Variants in EPHA7 observed in about 807,000 individuals in gnomAD.
EPHA7 encodes the protein EPH receptor A7.
EPHA7 carries 25 observed loss-of-function variants against 112.6 expected under a neutral mutation model. That is an observed-to-expected ratio of 0.22 (90% CI 0.16 to 0.31). The LOEUF (loss-of-function observed/expected upper bound fraction) is 0.31. EPHA7 is among the 10% of genes least tolerant of loss of function. EPHA7 has a pLI of 1.00. For synonymous variants in EPHA7, 437 were observed against 406.5 expected, an observed-to-expected ratio of 1.07 and a Z score of -0.90; for missense variants, 962 against 1,212.6, an observed-to-expected ratio of 0.79 and a Z score of 3.07.
chr6:93,327,162 A>G (rs1774362780), intron 5 of EPHA7, among the ~76,000 whole-genome samples: 1 of 151,604 alleles, frequency 6.6e-6, no homozygotes, highest in Non-Finnish European at 1.5e-5. Flanking sequence ...CTCATACTGA[A>G]TTGATTATAT....
At chr6:93,303,850 A>T (rs1001910533) in intron 5 of EPHA7, among the ~76,000 whole-genome samples, 5 of 152,086 alleles carry the variant, frequency 3.3e-5, no homozygotes, top group African/African-American at 1.2e-4. Context: ...TCTATAAGCC[A>T]CCTTTCTCCA....
intron 3 of EPHA7, among the ~76,000 whole-genome samples, chr6:93,375,664 A>G (rs993889689): frequency 6.6e-6 from 1 of 151,912 alleles, no homozygotes; most frequent in African/African-American, 2.4e-5. Flanking sequence ...ATAGGCAGCT[A>G]GTATAGATAA....
chr6:93,258,004 C>T, intron 11 of EPHA7, 95 bp downstream of exon 11: 1 of 1,184,266 alleles, frequency 8.4e-7, no homozygotes, highest in Non-Finnish European at 1.2e-6. Flanking sequence ...TTAGACTGTG[C>T]AACATATTTC....
At chr6:93,253,466 TA>T (rs2127853721) in intron 14 of EPHA7, among the ~76,000 whole-genome samples, 1 of 21,064 alleles carries the variant, frequency 4.7e-5, no homozygotes, top group East Asian at 4.6e-3. Flanking sequence ...GTCTAAATGT[TA>T]GTTGTCTAAA....
At chr6:93,371,912 A>G (rs950799424) in intron 3 of EPHA7, among the ~76,000 whole-genome samples, 4 of 152,178 alleles carry the variant, frequency 2.6e-5, no homozygotes, top group African/African-American at 9.6e-5. Flanking sequence ...TGAAGTGGTT[A>G]AGAACATACA....
At chr6:93,412,705 G>T (rs1006101337) in intron 2 of EPHA7, among the ~76,000 whole-genome samples, 2 of 151,990 alleles carry the variant, frequency 1.3e-5, no homozygotes, top group Non-Finnish European at 2.9e-5. Context: ...CTCTTAATTA[G>T]ATTGAAATTG....
intron 16 of EPHA7, 104 bp downstream of exon 16, chr6:93,245,194 T>A: frequency 1.8e-6 from 2 of 1,103,546 alleles, no homozygotes; most frequent in African/African-American, 1.6e-5. Context: ...TTTATCTTGA[T>A]TTTGGGATTC....
chr6:93,289,687 A>T (rs139112759), intron 5 of EPHA7, among the ~76,000 whole-genome samples: 3 of 152,346 alleles, frequency 2.0e-5, no homozygotes, highest in East Asian at 3.9e-4. Flanking sequence ...AGTAATCTTA[A>T]GGTTTACCTT....
At chr6:93,261,600 A>G (rs1373545348) in intron 9 of EPHA7, among the ~76,000 whole-genome samples, 1 of 151,580 alleles carries the variant, frequency 6.6e-6, no homozygotes, top group Non-Finnish European at 1.5e-5. Context: ...TGAATGTTTT[A>G]AAATAAGGAA....
At chr6:93,356,679 A>T in intron 5 of EPHA7, 38 bp downstream of exon 5, 1 of 1,544,330 alleles carries the variant, frequency 6.5e-7, no homozygotes, top group Non-Finnish European at 8.8e-7. Context: ...TTAGGTAGTC[A>T]CATTATTTCA....
intron 3 of EPHA7, among the ~76,000 whole-genome samples, chr6:93,387,667 T>C (rs1777680465): frequency 6.6e-6 from 1 of 152,070 alleles, no homozygotes; most frequent in South Asian, 2.1e-4. Context: ...TCAGTAAACT[T>C]ATGATCATGG....
chr6:93,308,328 A>G (rs957097601), intron 5 of EPHA7, among the ~76,000 whole-genome samples: 2 of 152,152 alleles, frequency 1.3e-5, no homozygotes, highest in Non-Finnish European at 2.9e-5. Context: ...AGAATAGATT[A>G]CATTATACCA....
intron 5 of EPHA7, among the ~76,000 whole-genome samples, chr6:93,329,144 T>C (rs1774463724): frequency 6.6e-6 from 1 of 151,450 alleles, no homozygotes; most frequent in Non-Finnish European, 1.5e-5. Context: ...TTTAAGAATT[T>C]TATATTTTAG....
Position 93,241,474 on chromosome 6 carries a change from G to A in EPHA7, c.*1952C>T, listed in dbSNP as rs1469289264. 8 of 215,938 alleles carry A rather than the reference G, an allele frequency of 3.7e-5. No individual in the cohort carries two copies. Among genetic ancestry groups the A allele is most frequent in the Non-Finnish European group, 6.5e-5 (7 of 106,974 alleles). The allele number at this position is 215,938 out of a possible 1,614,324, so 13.4% of individuals were successfully genotyped here. A position where few individuals can be genotyped will look rare whatever the true frequency, so the allele number is the denominator to read the frequency against. The stretch of plus-strand genomic sequence containing the variant: ...TATTACAAAGATTACAAATGGAAGT[G>A]TCTAGGTGACTGTATTATGCTAATT... On this transcript the variant is annotated 3_prime_UTR_variant, in exon 17 of 17. Transcript: ENST00000369303.
At chr6:93,289,424 C>G (rs2127834091) in intron 5 of EPHA7, among the ~76,000 whole-genome samples, 1 of 151,830 alleles carries the variant, frequency 6.6e-6, no homozygotes, top group African/African-American at 2.4e-5. Context: ...GTATGTAGAT[C>G]CTGGCTAACA....
intron 5 of EPHA7, among the ~76,000 whole-genome samples, chr6:93,323,345 T>C (rs1463727323): frequency 3.3e-5 from 5 of 151,460 alleles, no homozygotes; most frequent in Admixed American, 2.0e-4. Context: ...AGGACTCTTG[T>C]CATTCTTCCA....
chr6:93,315,146 GCC>G (rs1773747472), intron 5 of EPHA7, among the ~76,000 whole-genome samples: 1 of 150,458 alleles, frequency 6.6e-6, no homozygotes, highest in African/African-American at 2.5e-5. Context: ...ACAGGCGTGA[GCC>G]ACCGCGCCTG....
chr6:93,344,369 G>C (rs540727305), intron 5 of EPHA7, among the ~76,000 whole-genome samples: 39 of 151,614 alleles, frequency 2.6e-4, no homozygotes, highest in African/African-American at 9.2e-4. Flanking sequence ...AGGGATGTGA[G>C]AAAATAGGAT....
chr6:93,317,881 T>A (rs930180636), intron 5 of EPHA7, among the ~76,000 whole-genome samples: 1 of 152,122 alleles, frequency 6.6e-6, no homozygotes, highest in Non-Finnish European at 1.5e-5. Context: ...TCTAATGAGG[T>A]TACATATGAA....
Sources: gnomAD v4.1 joint callset for allele counts (sites outside exome capture counted in the v4.1 genomes callset) on GRCh38, gnomAD v4.1.1 for gene constraint, MANE v1.5 for transcripts, NCBI Gene and HGNC (gene_info 2026-07-23, HGNC 2026-07-21) for gene names.